The following ZNF236 variants were observed in gnomAD, a reference collection of about 807,000 sequenced individuals.
ZNF236 encodes regulated by glucose.
In ZNF236, 50 loss-of-function variants were observed where a neutral mutation model predicts 191.2. That is an observed-to-expected ratio of 0.26 (90% CI 0.21 to 0.33). The LOEUF (loss-of-function observed/expected upper bound fraction) is 0.33, where lower values mean the gene tolerates loss of function less well. ZNF236 is among the 10% of genes least tolerant of loss of function. The pLI is 1.00. For missense variants in ZNF236, 1,754 were observed against 2,374.5 expected (o/e 0.74, Z 5.43); for synonymous variants, 907 against 928.8 (o/e 0.98, Z 0.43).
intron 1 of ZNF236, chr18:76,834,899 C>T (rs895725085): frequency 3.5e-6 from 1 of 282,044 alleles, no homozygotes; most frequent in Non-Finnish European, 7.2e-6. Flanking sequence ...TTGGGCTGCT[C>T]CCGCTTCACT....
chr18:76,879,602 G>A (rs1395808026), intron 7 of ZNF236, among the ~76,000 whole-genome samples: 4 of 152,032 alleles, frequency 2.6e-5, no homozygotes, highest in South Asian at 2.1e-4. Context: ...TCGGATTCCC[G>A]AGCCCTGCAG....
At chr18:76,932,171 G>A (rs1487297079) in intron 25 of ZNF236, among the ~76,000 whole-genome samples, 3 of 152,130 alleles carry the variant, frequency 2.0e-5, no homozygotes, top group Non-Finnish European at 4.4e-5. Flanking sequence ...TAAAGGAGAG[G>A]TGATGGCACA....
At position 76,972,841 on chromosome 18, in the gene ZNF236, T is replaced by C. The variant is rs970211849; in HGVS notation, c.*4502T>C. Among the ~76,000 whole-genome samples the C allele has an allele frequency of 8.5e-5, 13 of 152,230 alleles. No homozygotes were observed. The highest frequency in any genetic ancestry group is 1.9e-4 in the Non-Finnish European group (13 of 68,042). On this transcript the variant is annotated 3_prime_UTR_variant, in exon 31 of 31. Coordinates refer to ENST00000320610, the MANE Select transcript of ZNF236 (RefSeq NM_001306089.2). ...GTTTTGTATTAGAAATGGATAGTGATGCCAAAAGCCACCGTGCTGGCTTTA... is the reference window on the plus strand; with the variant it reads ...GTTTTGTATTAGAAATGGATAGTGACGCCAAAAGCCACCGTGCTGGCTTTA...
chr18:76,903,808 A>G (rs1599380266), intron 11 of ZNF236, among the ~76,000 whole-genome samples: 1 of 151,952 alleles, frequency 6.6e-6, no homozygotes, highest in South Asian at 2.1e-4. Flanking sequence ...TGAAATATTT[A>G]AATTACTAAT....
intron 25 of ZNF236, among the ~76,000 whole-genome samples, chr18:76,931,534 CA>C (rs1278397244): frequency 6.6e-6 from 1 of 152,192 alleles, no homozygotes; most frequent in Non-Finnish European, 1.5e-5. Flanking sequence ...ACTCCATGTA[CA>C]AAGCTGTCCC....
chr18:76,927,213 T>TA lies in ZNF236; in HGVS notation c.4173+33dup, dbSNP rs1338147971. ...ACACCTTCCATGGTCTCCTGTGCTG[T>TA]AATTCTCTTGGCATCACAGAGAAGC... On this transcript the variant is annotated intron_variant, in intron 23 of 30. Coordinates refer to ENST00000320610, the MANE Select transcript of ZNF236 (RefSeq NM_001306089.2). This position sits in a 1 kb window ranked among gnomAD's most constrained non-coding sequence, Gnocchi z 5.4. 6.2e-7 allele frequency: 1 copy of TA among 1,611,808 alleles called. No homozygotes were observed. The highest frequency in any genetic ancestry group is 8.5e-7 in the Non-Finnish European group (1 of 1,178,084).
chr18:76,886,004 C>A (rs939177801), intron 9 of ZNF236: 4 of 152,250 alleles, frequency 2.6e-5, no homozygotes, highest in Non-Finnish European at 5.9e-5. Flanking sequence ...TCTTCCCCTG[C>A]GGTCAGCATC....
chr18:76,829,254 C>T (rs551855854), intron 1 of ZNF236, among the ~76,000 whole-genome samples: 1 of 152,080 alleles, frequency 6.6e-6, no homozygotes, highest in East Asian at 1.9e-4. Flanking sequence ...CTTTTCTTCA[C>T]ATGAAGTATC....
At chr18:76,932,333 G>T (rs952439665) in intron 25 of ZNF236, among the ~76,000 whole-genome samples, 2 of 152,216 alleles carry the variant, frequency 1.3e-5, no homozygotes, top group Non-Finnish European at 2.9e-5. Flanking sequence ...AAGCAAGGAG[G>T]TGTGGATATT....
intron 25 of ZNF236, among the ~76,000 whole-genome samples, chr18:76,928,615 G>T (rs964889016): frequency 2.0e-5 from 3 of 152,140 alleles, no homozygotes; most frequent in African/African-American, 7.2e-5. Context: ...CCTAAAACTG[G>T]CAATCTAATT....
In ZNF236 at chr18:76,928,063, G is replaced by T. The variant is rs201693014; in HGVS notation, c.4551G>T (p.Thr1517=). The T allele has an allele frequency of 6.2e-7, 1 of 1,613,566 alleles. No homozygotes were observed. Among genetic ancestry groups the T allele is most frequent in the East Asian group, 2.2e-5 (1 of 44,854 alleles). The change falls in exon 25 of 31, where the codon ACG becomes ACT. Residue 1517 remains threonine (T), a synonymous_variant. Transcript: ENST00000320610. Reference sequence around the variant, plus strand: ...CACAGGCCGCTGGGCCCACTGCCACGTCTTCCTCGGGGTCTCCACAGGAAA... The same window carrying T: ...CACAGGCCGCTGGGCCCACTGCCACTTCTTCCTCGGGGTCTCCACAGGAAA... ...VLAQAAGPTA[T]SSSGSPQEIT... is the part of the protein sequence containing the mutation.
At chr18:76,952,408 C>T (rs1039897256) in intron 27 of ZNF236, among the ~76,000 whole-genome samples, 3 of 152,228 alleles carry the variant, frequency 2.0e-5, no homozygotes, top group African/African-American at 4.8e-5. Flanking sequence ...TGCACATTGA[C>T]GCTTCCAGGC....
chr18:76,933,258 C>G (rs567445815), intron 25 of ZNF236, among the ~76,000 whole-genome samples: 2 of 152,286 alleles, frequency 1.3e-5, no homozygotes, highest in East Asian at 3.9e-4. Context: ...CACCTGAGGT[C>G]AGGAGTTTGA....
At chr18:76,907,155 C>T (rs1402893849) in intron 13 of ZNF236, among the ~76,000 whole-genome samples, 1 of 152,142 alleles carries the variant, frequency 6.6e-6, no homozygotes, top group African/African-American at 2.4e-5. Flanking sequence ...TTTTTGTTCT[C>T]CCTTCCACAG....
At chr18:76,836,799 G>T (rs1019606251) in intron 1 of ZNF236, among the ~76,000 whole-genome samples, 4 of 151,776 alleles carry the variant, frequency 2.6e-5, no homozygotes, top group African/African-American at 9.7e-5. Context: ...GGATAGTCTC[G>T]ATCTCCTGAC....
At chr18:76,823,860 G>C (rs968818113) in intron 1 of ZNF236, among the ~76,000 whole-genome samples, 3 of 152,188 alleles carry the variant, frequency 2.0e-5, no homozygotes, top group Admixed American at 6.5e-5. Context: ...CGCGGGCGCC[G>C]TGGTTCCCGT....
Position 76,970,936 on chromosome 18 carries a change from C to T in ZNF236, c.*2597C>T, listed in dbSNP as rs1369067820. On this transcript the variant is annotated 3_prime_UTR_variant, in exon 31 of 31. Transcript: ENST00000320610. ...TGGCTCCGCGACAGCGAGCCGTGGG[C>T]GTCAGCACAGTGCCCTGTGCATGTG... Among the ~76,000 whole-genome samples the T allele has an allele frequency of 9.2e-5, 14 of 152,250 alleles. No homozygotes were observed. Among genetic ancestry groups the T allele is most frequent in the Admixed American group, 7.8e-4 (12 of 15,288 alleles).
At chr18:76,886,956 G>A (rs1017397052) in intron 9 of ZNF236, 3 of 196,488 alleles carry the variant, frequency 1.5e-5, no homozygotes, top group Non-Finnish European at 3.3e-5. Flanking sequence ...CTGAATTCAC[G>A]TAGTCCAGCT....
chr18:76,881,782 T>C (rs942443507), intron 9 of ZNF236, among the ~76,000 whole-genome samples: 7 of 152,218 alleles, frequency 4.6e-5, no homozygotes, highest in Non-Finnish European at 7.3e-5. Context: ...CTCTGTCTGT[T>C]CTCTTGAAAG....
Sources: allele counts gnomAD v4.1 joint callset (sites outside exome capture counted in the v4.1 genomes callset), GRCh38; gene constraint gnomAD v4.1.1; non-coding constraint Gnocchi (gnomAD v3.1); transcripts MANE v1.5; gene names NCBI Gene and HGNC (gene_info 2026-07-23, HGNC 2026-07-21).